Variants in BLTP3B observed in about 807,000 individuals in gnomAD.
BLTP3B encodes UHRF1 (ICBP90) binding protein 1-like.
chr12:100,055,020 ATTG>A, the BLTP3B span, among the ~76,000 whole-genome samples: 3 of 152,180 alleles, frequency 2.0e-5, no homozygotes, highest in Admixed American at 6.5e-5. Context: ...AATGTTTGCT[ATTG>A]TTGTTATTAA....
chr12:100,142,718 T>C, the BLTP3B span: 2 of 1,533,406 alleles, frequency 1.3e-6, no homozygotes, highest in Non-Finnish European at 1.8e-6. Context: ...CTGTCCCGGC[T>C]AGCCCGGCCG....
At chr12:100,110,958 G>A in the BLTP3B span, among the ~76,000 whole-genome samples, 2 of 152,160 alleles carry the variant, frequency 1.3e-5, no homozygotes, top group South Asian at 2.1e-4. Flanking sequence ...ATATGGGGAT[G>A]GAGGTGAAGC....
chr12:100,076,057 G>T, the BLTP3B span, among the ~76,000 whole-genome samples: 1 of 151,434 alleles, frequency 6.6e-6, no homozygotes, highest in Non-Finnish European at 1.5e-5. Flanking sequence ...TCAGCATCAT[G>T]CAATATAAAA....
chr12:100,052,042 TA>T, the BLTP3B span, among the ~76,000 whole-genome samples: 476 of 137,498 alleles, frequency 3.5e-3, no homozygotes, highest in Middle Eastern at 7.3e-3. Context: ...AGACCCCATC[TA>T]AAAAAAAAAA....
At chr12:100,049,965 C>G in the BLTP3B span, among the ~76,000 whole-genome samples, 1 of 152,086 alleles carries the variant, frequency 6.6e-6, no homozygotes, top group East Asian at 1.9e-4. Context: ...CTCTACTACC[C>G]CTTATACCAT....
At chr12:100,073,181 C>T in the BLTP3B span, among the ~76,000 whole-genome samples, 1 of 152,048 alleles carries the variant, frequency 6.6e-6, no homozygotes, top group African/African-American at 2.4e-5. Context: ...CAGAATGCTT[C>T]CCCGTACGCT....
chr12:100,134,106 T>C, the BLTP3B span, among the ~76,000 whole-genome samples: 1 of 151,886 alleles, frequency 6.6e-6, no homozygotes, highest in East Asian at 1.9e-4. Context: ...GGAGGACTAC[T>C]GTAGTGCATG....
chr12:100,140,755 A>ATAT, the BLTP3B span, among the ~76,000 whole-genome samples: 6 of 131,264 alleles, frequency 4.6e-5, no homozygotes, highest in African/African-American at 1.9e-4. Context: ...TATATATATA[A>ATAT]AATAAAATAA....
the BLTP3B span, among the ~76,000 whole-genome samples, chr12:100,085,884 C>G: frequency 7.5e-6 from 1 of 133,584 alleles, no homozygotes; most frequent in Non-Finnish European, 1.7e-5. Flanking sequence ...CTTTTCATTC[C>G]TAGCTTCATA....
the BLTP3B span, chr12:100,098,693 G>C: frequency 4.3e-6 from 3 of 703,840 alleles, no homozygotes; most frequent in Non-Finnish European, 4.4e-6. Context: ...CTTGAGGCCA[G>C]GAGTTCAAGC....
chr12:100,106,867 T>G, the BLTP3B span, among the ~76,000 whole-genome samples: 3 of 152,314 alleles, frequency 2.0e-5, no homozygotes, highest in South Asian at 2.1e-4. Context: ...CTATAATCTT[T>G]TCTTAGGAGC....
chr12:100,099,954 C>G, the BLTP3B span, among the ~76,000 whole-genome samples: 1 of 149,356 alleles, frequency 6.7e-6, no homozygotes, highest in Non-Finnish European at 1.5e-5. Context: ...AAACAAACCT[C>G]AGACACAACA....
the BLTP3B span, among the ~76,000 whole-genome samples, chr12:100,139,349 G>C: frequency 6.6e-6 from 1 of 152,146 alleles, no homozygotes; most frequent in Admixed American, 6.5e-5. Flanking sequence ...AGGCAAAGAT[G>C]GTTTTAATCT....
At chr12:100,103,006 A>G in the BLTP3B span, 269 of 493,684 alleles carry the variant, frequency 5.4e-4, 3 homozygotes, top group Admixed American at 9.0e-3. Flanking sequence ...TACAGGTCTA[A>G]AAAGACAAAT....
At chr12:100,139,678 A>C in the BLTP3B span, among the ~76,000 whole-genome samples, 1 of 152,250 alleles carries the variant, frequency 6.6e-6, no homozygotes, top group Admixed American at 6.5e-5. Flanking sequence ...ATGTAAGAGA[A>C]AGTAAGCTCA....
the BLTP3B span, among the ~76,000 whole-genome samples, chr12:100,120,319 G>C: frequency 2.6e-5 from 4 of 152,210 alleles, no homozygotes; most frequent in African/African-American, 4.8e-5. Flanking sequence ...GTTTCAGTGA[G>C]CCAAGATCGC....
the BLTP3B span, among the ~76,000 whole-genome samples, chr12:100,089,767 A>G: frequency 2.3e-3 from 352 of 152,290 alleles, 8 homozygotes; most frequent in East Asian, 0.04. Flanking sequence ...GGCCCTGTAT[A>G]CACTGTTATA....
chr12:100,059,499 T>A, the BLTP3B span: 9 of 1,604,734 alleles, frequency 5.6e-6, no homozygotes, highest in African/African-American at 1.2e-4. Context: ...CTGATCTTGA[T>A]GACATTCAGA....
At chr12:100,138,570 C>T in the BLTP3B span, among the ~76,000 whole-genome samples, 4 of 152,326 alleles carry the variant, frequency 2.6e-5, no homozygotes, top group East Asian at 7.7e-4. Context: ...AAAAATATCT[C>T]CAGACACTGC....
Sources: gnomAD v4.1 joint callset for allele counts (sites outside exome capture counted in the v4.1 genomes callset) on GRCh38, gnomAD v4.1.1 for gene constraint, MANE v1.5 for transcripts, NCBI Gene and HGNC (gene_info 2026-07-23, HGNC 2026-07-21) for gene names.